The following ASIC2 variants were observed in gnomAD, a reference collection of about 807,000 sequenced individuals.
The protein encoded by ASIC2 is acid sensing ion channel subunit 2.
A neutral mutation model predicts 57.3 loss-of-function variants in ASIC2; 25 were observed. The ratio of observed to expected loss-of-function variants is 0.44; its 90% CI spans 0.32 to 0.61. The LOEUF is 0.61. Among genes scored for constraint, ASIC2 ranks in the 20% least tolerant of loss-of-function variants. The pLI, the probability that ASIC2 is intolerant of heterozygous loss-of-function variation, is 0.06. For synonymous variants in ASIC2, 319 were observed against 307.5 expected, an observed-to-expected ratio of 1.04 and a Z score of -0.39; for missense variants, 641 against 738.1, an observed-to-expected ratio of 0.87 and a Z score of 1.52.
intron 1 of ASIC2, among the ~76,000 whole-genome samples, chr17:33,870,417 T>C (rs1914372478): frequency 6.6e-6 from 1 of 151,436 alleles, no homozygotes; most frequent in Non-Finnish European, 1.5e-5. Context: ...GAATTCCTCA[T>C]CACAGCCCAC....
At chr17:33,350,687 A>AAAGAAAGAAAGAAAGAAAGAAAG (rs1908129521) in intron 1 of ASIC2, among the ~76,000 whole-genome samples, 2 of 145,556 alleles carry the variant, frequency 1.4e-5, no homozygotes, top group African/African-American at 5.4e-5. Context: ...GTGAGAAAAA[A>AAAGAAAGAAAGAAAGAAAGAAAG]AAAGAAAGAA....
chr17:33,028,179 G>A (rs2091866678), intron 4 of ASIC2, 63 bp downstream of exon 4: 1 of 1,563,988 alleles, frequency 6.4e-7, no homozygotes. Flanking sequence ...ATTAGGATGA[G>A]AAATGCAAGG....
At chr17:33,308,731 G>A (rs2142202212) in intron 1 of ASIC2, among the ~76,000 whole-genome samples, 1 of 152,248 alleles carries the variant, frequency 6.6e-6, no homozygotes, top group Non-Finnish European at 1.5e-5. Flanking sequence ...ACAAAACATT[G>A]GTTGAGCTGG....
intron 1 of ASIC2, among the ~76,000 whole-genome samples, chr17:33,125,843 T>A (rs2142001305): frequency 6.6e-6 from 1 of 152,326 alleles, no homozygotes. Context: ...CAGCCTTATC[T>A]TTCCTGTCCT....
chr17:33,244,788 C>G lies in ASIC2; in HGVS notation c.708+46620G>C, dbSNP rs113592067. Among the ~76,000 whole-genome samples, 45 of 152,308 alleles carry G rather than the reference C, an allele frequency of 3.0e-4. 2 individuals are homozygous for G. The highest frequency in any genetic ancestry group is 3.4e-3 in the Middle Eastern group (1 of 294). On this transcript the variant is annotated intron_variant, in intron 1 of 9. Coordinates refer to ENST00000225823, the MANE Select transcript of ASIC2 (RefSeq NM_183377.2). The stretch of plus-strand genomic sequence containing the variant: ...GACCACTAACCCTGCCTTTTTCACT[C>G]GTTCAGCATCTCTGCTCAGGCGAGA...
intron 1 of ASIC2, among the ~76,000 whole-genome samples, chr17:33,632,236 G>A (rs967479029): frequency 3.3e-5 from 5 of 152,212 alleles, no homozygotes; most frequent in African/African-American, 1.2e-4. Flanking sequence ...GAACCTAGTA[G>A]TGATAGATTC....
intron 1 of ASIC2, among the ~76,000 whole-genome samples, chr17:33,299,248 C>T: frequency 6.6e-6 from 1 of 151,254 alleles, no homozygotes; most frequent in Admixed American, 6.6e-5. Flanking sequence ...GAGTTATAGA[C>T]CAATGCAACA....
At chr17:33,275,932 G>T (rs1231138163) in intron 1 of ASIC2, among the ~76,000 whole-genome samples, 4 of 152,040 alleles carry the variant, frequency 2.6e-5, no homozygotes, top group African/African-American at 9.7e-5. Flanking sequence ...AGATTACCTG[G>T]GTGCTTGGCC....
At chr17:33,325,190 A>T (rs1423676150) in intron 1 of ASIC2, among the ~76,000 whole-genome samples, 1 of 152,232 alleles carries the variant, frequency 6.6e-6, no homozygotes, top group Non-Finnish European at 1.5e-5. Context: ...TCCAGTGAGG[A>T]AAGCAGACAA....
chr17:33,019,573 G>A (rs1249403136), intron 7 of ASIC2, among the ~76,000 whole-genome samples: 1 of 152,022 alleles, frequency 6.6e-6, no homozygotes, highest in African/African-American at 2.4e-5. Flanking sequence ...TGGACACCAG[G>A]AGGTGAGAAA....
intron 1 of ASIC2, among the ~76,000 whole-genome samples, chr17:33,285,209 C>G (rs1259350649): frequency 2.6e-5 from 4 of 152,242 alleles, no homozygotes; most frequent in African/African-American, 9.6e-5. Flanking sequence ...AAAATAGCCA[C>G]TATCAGAATC....
chr17:33,224,914 C>T (rs1907824377), intron 1 of ASIC2, among the ~76,000 whole-genome samples: 1 of 152,146 alleles, frequency 6.6e-6, no homozygotes, highest in Admixed American at 6.5e-5. Context: ...GCCTTCCTTC[C>T]CTGGGAGAAG....
intron 1 of ASIC2, among the ~76,000 whole-genome samples, chr17:33,419,751 A>G (rs187774414): frequency 4.3e-4 from 66 of 152,336 alleles, no homozygotes; most frequent in Admixed American, 2.9e-3. Flanking sequence ...AATTTCCATC[A>G]GTAGAGGATT....
intron 1 of ASIC2, among the ~76,000 whole-genome samples, chr17:33,893,861 T>C (rs1370309878): frequency 6.6e-6 from 1 of 152,226 alleles, no homozygotes; most frequent in East Asian, 1.9e-4. Context: ...AGCATTTCCA[T>C]CCTACCCTCA....
chr17:33,490,068 A>T (rs1303228720), intron 1 of ASIC2, among the ~76,000 whole-genome samples: 1 of 152,264 alleles, frequency 6.6e-6, no homozygotes, highest in Non-Finnish European at 1.5e-5. Context: ...CATTTAGAAC[A>T]GCCAAATCCA....
intron 1 of ASIC2, among the ~76,000 whole-genome samples, chr17:34,056,540 C>A (rs1392783280): frequency 6.6e-6 from 1 of 152,108 alleles, no homozygotes; most frequent in Non-Finnish European, 1.5e-5. Context: ...AGTAGCAGTA[C>A]AATGGAAACA....
At chr17:33,795,130 T>G (rs1911879280) in intron 1 of ASIC2, among the ~76,000 whole-genome samples, 1 of 152,206 alleles carries the variant, frequency 6.6e-6, no homozygotes, top group African/African-American at 2.4e-5. Context: ...CTTCTCTACA[T>G]TACAGAGAAA....
intron 1 of ASIC2, among the ~76,000 whole-genome samples, chr17:33,165,481 G>T (rs1345719045): frequency 6.6e-6 from 1 of 150,970 alleles, no homozygotes; most frequent in Admixed American, 6.6e-5. Flanking sequence ...GTGCATGCGT[G>T]TGTGTGTGTG....
intron 1 of ASIC2, among the ~76,000 whole-genome samples, chr17:33,422,473 A>G (rs1344983634): frequency 6.6e-6 from 1 of 152,172 alleles, no homozygotes; most frequent in Non-Finnish European, 1.5e-5. Context: ...CCCTAAGGGA[A>G]CTTGAGTGAA....
Sources: gnomAD v4.1 joint callset for allele counts (sites outside exome capture counted in the v4.1 genomes callset) on GRCh38, gnomAD v4.1.1 for gene constraint, MANE v1.5 for transcripts, NCBI Gene and HGNC (gene_info 2026-07-23, HGNC 2026-07-21) for gene names.